Variants in SIM2 observed in about 807,000 individuals in gnomAD.
SIM2 encodes the protein SIM bHLH transcription factor 2.
SIM2 carries 28 observed loss-of-function variants against 64.8 expected under a neutral mutation model. The ratio of observed to expected loss-of-function variants is 0.43; its 90% CI spans 0.32 to 0.59. The LOEUF is 0.59. Among genes scored for constraint, SIM2 ranks in the 20% least tolerant of loss-of-function variants. SIM2 has a pLI of 0.07. For missense variants in SIM2, 847 were observed against 871.4 expected (o/e 0.97, Z 0.35); for synonymous variants, 408 against 391.1 (o/e 1.04, Z -0.51).
At chr21:36,728,785 C>A (rs536812510) in intron 6 of SIM2, among the ~76,000 whole-genome samples, 1 of 152,344 alleles carries the variant, frequency 6.6e-6, no homozygotes, top group East Asian at 1.9e-4. Context: ...TGAGTCCAAA[C>A]CCCAGAAGCC....
intron 1 of SIM2, among the ~76,000 whole-genome samples, chr21:36,703,760 G>A (rs1284970282): frequency 6.6e-6 from 1 of 152,250 alleles, no homozygotes; most frequent in Non-Finnish European, 1.5e-5. Context: ...CCTCCCCAAA[G>A]TGTGGCCCTC....
chr21:36,738,512 A>T (rs1226618798), intron 7 of SIM2, among the ~76,000 whole-genome samples: 2 of 152,248 alleles, frequency 1.3e-5, no homozygotes, highest in African/African-American at 4.8e-5. Context: ...TCTCCAAAAA[A>T]AAAGTAATGG....
chr21:36,741,926 G>C, intron 8 of SIM2, 62 bp downstream of exon 8: 1 of 1,403,154 alleles, frequency 7.1e-7, no homozygotes. Context: ...ACATCGGATG[G>C]CTCCAATAAG....
chr21:36,741,796 C>A lies in SIM2; in HGVS notation c.930C>A (p.Tyr310Ter). 1 of 1,612,384 alleles carries A rather than the reference C, an allele frequency of 6.2e-7. No homozygotes were observed. The highest frequency in any genetic ancestry group is 8.5e-7 in the Non-Finnish European group (1 of 1,179,698). Residue 310 changes from tyrosine (Y) to a stop codon, truncating the protein, a stop_gained, in exon 8 of 11, where the codon TAC becomes TAA. Transcript: ENST00000290399. LOFTEE classifies it high-confidence loss of function. The stretch of plus-strand genomic sequence containing the variant: ...GCGGCTGGGTGTGGGTGCAGAGCTA[C>A]GCCACCGTGGTGCACAACAGCCGCT... ...KRGGWVWVQS[Y>*]ATVVHNSRSS...
chr21:36,748,301 C>T lies in SIM2; in HGVS notation c.*209C>T. 4.4e-6 allele frequency: 1 copy of T among 226,118 alleles called. No individual in the cohort carries two copies. The highest frequency in any genetic ancestry group is 8.6e-6 in the Non-Finnish European group (1 of 116,954). 14.0% of individuals were successfully genotyped at this position (226,118 alleles called of 1,614,324 possible). A position where few individuals can be genotyped will look rare whatever the true frequency, so the allele number is the denominator to read the frequency against. ...CGCCCGGGTCCGGGCAGGTGACCGC[C>T]CGCCTCTGTCCTGCGAGGGCCGGTG... On this transcript the variant is annotated 3_prime_UTR_variant, in exon 11 of 11. Transcript: ENST00000290399.
Position 36,741,830 on chromosome 21 carries a change from C to A in SIM2, c.964C>A (p.Pro322Thr). Reference sequence around the variant, plus strand: ...GGTGCACAACAGCCGCTCGTCCCGGCCCCACTGCATCGTGAGTGTCAATTA... The same window carrying A: ...GGTGCACAACAGCCGCTCGTCCCGGACCCACTGCATCGTGAGTGTCAATTA... ...TVVHNSRSSR[P>T]HCIVSVNYVL... The change falls in exon 8 of 11, where the codon CCC becomes ACC. Residue 322 changes from proline to threonine, a missense_variant. Around this residue, in one of 3 missense-constraint regions of SIM2, gnomAD observed 397 missense variants for 439.2 expected, o/e 0.90. Transcript: ENST00000290399. 1.2e-6 allele frequency: 2 copies of A among 1,605,786 alleles called. No homozygotes were observed. Among genetic ancestry groups the A allele is most frequent in the Non-Finnish European group, 1.7e-6 (2 of 1,176,564 alleles).
chr21:36,721,005 T>C (rs1423254570), intron 4 of SIM2, among the ~76,000 whole-genome samples: 1 of 152,172 alleles, frequency 6.6e-6, no homozygotes, highest in African/African-American at 2.4e-5. Flanking sequence ...TGCATTCTTA[T>C]TGCTGTCTTC....
In SIM2 at chr21:36,744,955, C is replaced by T. The variant is rs773596315; in HGVS notation, c.1395C>T (p.Phe465=). Residue 465 remains phenylalanine, a synonymous_variant, in exon 10 of 11, where the codon TTC becomes TTT. Transcript: ENST00000290399. ...AAAAGCCAATGTTGCCGGCCAAGTT[C>T]GGGCAGCCCCAAGGATCCCCTTGTG... ...SSKKPMLPAK[F]GQPQGSPCEV... is the part of the protein sequence containing the mutation. 26 of 1,614,124 alleles carry T rather than the reference C, an allele frequency of 1.6e-5. No individual in the cohort carries two copies. The highest frequency in any genetic ancestry group is 9.3e-5 in the African/African-American group (7 of 74,944).
At chr21:36,711,445 A>G (rs1326798985) in intron 2 of SIM2, among the ~76,000 whole-genome samples, 3 of 152,222 alleles carry the variant, frequency 2.0e-5, no homozygotes. Context: ...GAAGGTAATG[A>G]TAGTTTAGTT....
chr21:36,700,748 G>T (rs973674968), intron 1 of SIM2, among the ~76,000 whole-genome samples: 20 of 152,298 alleles, frequency 1.3e-4, no homozygotes, highest in African/African-American at 4.3e-4. Context: ...GGAGAGACCC[G>T]CCCCCGCCGT....
At chr21:36,718,747 T>A (rs2088779579) in intron 3 of SIM2, among the ~76,000 whole-genome samples, 1 of 152,128 alleles carries the variant, frequency 6.6e-6, no homozygotes, top group Admixed American at 6.5e-5. Context: ...TCAGCACTAT[T>A]GATTATAGCT....
intron 8 of SIM2, among the ~76,000 whole-genome samples, chr21:36,742,324 G>C (rs746901445): frequency 2.0e-5 from 3 of 151,772 alleles, no homozygotes; most frequent in Non-Finnish European, 2.9e-5. Flanking sequence ...TCTTCTTATA[G>C]AGCCTGTTAC....
chr21:36,744,958 G>A lies in SIM2; in HGVS notation c.1398G>A (p.Gly466=). The A allele has an allele frequency of 6.2e-7, 1 of 1,614,234 alleles. No homozygotes were observed. Among genetic ancestry groups the A allele is most frequent in the Non-Finnish European group, 8.5e-7 (1 of 1,180,038 alleles). ...SKKPMLPAKF[G]QPQGSPCEVA... is the part of the protein sequence containing the mutation. Reference sequence around the variant, plus strand: ...AGCCAATGTTGCCGGCCAAGTTCGGGCAGCCCCAAGGATCCCCTTGTGAGG... The same window carrying A: ...AGCCAATGTTGCCGGCCAAGTTCGGACAGCCCCAAGGATCCCCTTGTGAGG... Residue 466 remains glycine, a synonymous_variant, in exon 10 of 11, where the codon GGG becomes GGA. Coordinates refer to ENST00000290399, the MANE Select transcript of SIM2 (RefSeq NM_005069.6).
rs137919419 is a variant in SIM2 at position 36,745,587 on chromosome 21, G to C, written c.1576+451G>C. 2.7e-6 allele frequency: 3 copies of C among 1,118,470 alleles called. No individual in the cohort carries two copies. The African/African-American group carries it at 4.9e-5, about 18-fold the overall frequency. The allele number at this position is 1,118,470 out of a possible 1,614,324, so 69.3% of individuals were successfully genotyped here. ...CAGTTTTGGAAGTGGGGAAAACTAT[G>C]GTGGAAATTTGTGGGCTTGGGGACA... On this transcript the variant is annotated intron_variant, in intron 10 of 10. Transcript: ENST00000290399. This position sits in a 1 kb window ranked among gnomAD's most constrained non-coding sequence, Gnocchi z 4.8.
chr21:36,734,821 C>T lies in SIM2; in HGVS notation c.850+3670C>T, dbSNP rs184930027. 1.8e-4 allele frequency among the ~76,000 whole-genome samples: 27 copies of T among 152,334 alleles called. No individual in the cohort carries two copies. The East Asian group carries it at 5.0e-3, about 28-fold the overall frequency. ...GAGCTTTGTGATTGTGGAGGCCTCA[C>T]TCTCCTTCCCAGGTACAGAACCTGG... On this transcript the variant is annotated intron_variant, in intron 7 of 10. Transcript: ENST00000290399.
rs1043118137 is a variant in SIM2, at chr21:36,726,456, A to G, written c.743+138A>G. On this transcript the variant is annotated intron_variant, in intron 6 of 10. Coordinates refer to ENST00000290399, the MANE Select transcript of SIM2 (RefSeq NM_005069.6). The surrounding 1 kb of genome is among the most constrained non-coding windows in gnomAD (Gnocchi z 4.5). ...TAGGAATGTGGATTAAGCAAAACCAATTTATGAACTGAAAGAACATATGTC... is the reference window on the plus strand; with the variant it reads ...TAGGAATGTGGATTAAGCAAAACCAGTTTATGAACTGAAAGAACATATGTC... 2.9e-6 allele frequency: 2 copies of G among 679,990 alleles called. No homozygotes were observed. The highest frequency in any genetic ancestry group is 2.5e-6 in the Non-Finnish European group (1 of 406,930). The allele number at this position is 679,990 out of a possible 1,614,324, so 42.1% of individuals were successfully genotyped here. A position where few individuals can be genotyped will look rare whatever the true frequency, so the allele number is the denominator to read the frequency against.
chr21:36,717,562 C>G (rs2088764327), intron 3 of SIM2, among the ~76,000 whole-genome samples: 1 of 151,790 alleles, frequency 6.6e-6, no homozygotes, highest in Non-Finnish European at 1.5e-5. Context: ...ATTCTCCTGC[C>G]TCGGCTTCCC....
intron 5 of SIM2, among the ~76,000 whole-genome samples, chr21:36,724,674 T>C (rs4817817): frequency 0.26 from 39,297 of 152,152 alleles, 5,698 homozygotes; most frequent in East Asian, 0.37. Context: ...GTTTCCTCAT[T>C]AGTAAAATGG....
chr21:36,747,855 G>A lies in SIM2; in HGVS notation c.1767G>A (p.Pro589=). The stretch of plus-strand genomic sequence containing the variant: ...GCGCGCCCCCGACCCCCGAGGCCCC[G>A]GGCGCGCCGGCGCAGCTGCCCTTCG... ...ECCAPPTPEA[P]GAPAQLPFVL... is the part of the protein sequence containing the mutation. Residue 589 remains proline, a synonymous_variant, in exon 11 of 11, where the codon CCG becomes CCA. Coordinates refer to ENST00000290399, the MANE Select transcript of SIM2 (RefSeq NM_005069.6). This position sits in a 1 kb window ranked among gnomAD's most constrained non-coding sequence, Gnocchi z 4.5. The A allele has an allele frequency of 9.6e-7, 1 of 1,040,398 alleles. No individual in the cohort carries two copies. Among genetic ancestry groups the A allele is most frequent in the Non-Finnish European group, 1.2e-6 (1 of 863,392 alleles). The allele number at this position is 1,040,398 out of a possible 1,614,324, so 64.4% of individuals were successfully genotyped here.
Sources: gnomAD v4.1 joint callset for allele counts (sites outside exome capture counted in the v4.1 genomes callset) on GRCh38, gnomAD v4.1.1 for gene constraint, gnomAD v4.1.1 regional missense constraint, Gnocchi (gnomAD v3.1) non-coding constraint, MANE v1.5 for transcripts, NCBI Gene and HGNC (gene_info 2026-07-23, HGNC 2026-07-21) for gene names.